The following OPCML variants were observed in gnomAD, a reference collection of about 807,000 sequenced individuals.
OPCML encodes the protein opioid-binding protein/cell adhesion molecule.
Under a neutral mutation model 37.8 loss-of-function variants are expected in OPCML, and 13 were observed. The observed-to-expected ratio is 0.34, with a 90% confidence interval of 0.22 to 0.55. OPCML has a LOEUF of 0.55. Among genes scored for constraint, OPCML ranks in the 20% least tolerant of loss-of-function variants. The pLI is 0.91. For synonymous variants in OPCML, 176 were observed against 168.8 expected, an observed-to-expected ratio of 1.04 and a Z score of -0.33; for missense variants, 341 against 435.6, an observed-to-expected ratio of 0.78 and a Z score of 1.93.
chr11:132,943,775 C>T lies in OPCML; in HGVS notation c.62-765G>A, dbSNP rs955290054. ...GGGGAGCGCCGCCCGGCGCAGGCTC[C>T]GGGCGCACGGGGAGCTGGGCGGACG... On this transcript the variant is annotated intron_variant, in intron 1 of 7. Coordinates refer to ENST00000524381, the MANE Select transcript of OPCML (RefSeq NM_001012393.5). This position sits in a 1 kb window ranked among gnomAD's most constrained non-coding sequence, Gnocchi z 4.3. 3 of 150,450 alleles carry T rather than the reference C, an allele frequency of 2.0e-5. No homozygotes were observed. The highest frequency in any genetic ancestry group is 1.3e-4 in the Admixed American group (2 of 15,094). The allele number at this position is 150,450 out of a possible 1,614,324, so 9.3% of individuals were successfully genotyped here.
chr11:133,106,419 A>G (rs1294133921), intron 1 of OPCML, among the ~76,000 whole-genome samples: 1 of 152,260 alleles, frequency 6.6e-6, no homozygotes, highest in South Asian at 2.1e-4. Context: ...GCAACTAGAA[A>G]TAGTCCCAAA....
chr11:133,191,757 G>A (rs181771116), intron 1 of OPCML, among the ~76,000 whole-genome samples: 70 of 152,268 alleles, frequency 4.6e-4, no homozygotes, highest in Middle Eastern at 3.4e-3. Flanking sequence ...GCCTCCCAAA[G>A]TGCTGGGATT....
chr11:132,637,792 T>A (rs564572002), intron 3 of OPCML, among the ~76,000 whole-genome samples: 28 of 152,294 alleles, frequency 1.8e-4, no homozygotes, highest in Admixed American at 9.2e-4. Context: ...TGGAACTTTC[T>A]TGTGTCTAGA....
chr11:132,518,528 G>A (rs76241385), intron 4 of OPCML, among the ~76,000 whole-genome samples: 1,620 of 152,198 alleles, frequency 0.011, 14 homozygotes, highest in Middle Eastern at 0.027. Context: ...AGCACACCTC[G>A]GGACATTTGG....
At chr11:133,092,701 G>T (rs2137054908) in intron 1 of OPCML, among the ~76,000 whole-genome samples, 1 of 152,236 alleles carries the variant, frequency 6.6e-6, no homozygotes, top group African/African-American at 2.4e-5. Context: ...ACTCCAGCCT[G>T]AACAACAGAG....
intron 2 of OPCML, among the ~76,000 whole-genome samples, chr11:132,901,440 C>G (rs1260222585): frequency 1.3e-5 from 2 of 152,192 alleles, no homozygotes; most frequent in African/African-American, 4.8e-5. Flanking sequence ...CAAAGTTCTT[C>G]TAAAGATCAG....
chr11:133,139,368 C>T (rs748104800), intron 1 of OPCML, among the ~76,000 whole-genome samples: 9 of 151,266 alleles, frequency 5.9e-5, no homozygotes, highest in Non-Finnish European at 1.2e-4. Context: ...TCACATTAAC[C>T]TTCCTGTAAG....
chr11:133,243,281 C>T lies in OPCML; in HGVS notation c.61+288983G>A, dbSNP rs553266686. 4.1e-4 allele frequency among the ~76,000 whole-genome samples: 62 copies of T among 152,290 alleles called. 1 individual carries two copies. Among genetic ancestry groups the T allele is most frequent in the African/African-American group, 1.4e-3 (58 of 41,564 alleles). On this transcript the variant is annotated intron_variant, in intron 1 of 7. Coordinates refer to ENST00000524381, the MANE Select transcript of OPCML (RefSeq NM_001012393.5). The stretch of plus-strand genomic sequence containing the variant: ...CAAATGAAGTGCCTGGAGTGGGGTT[C>T]CTGCAGTGGGACGGAGACAGCCTTT...
chr11:133,030,275 C>T (rs955521722), intron 1 of OPCML, among the ~76,000 whole-genome samples: 1 of 152,212 alleles, frequency 6.6e-6, no homozygotes, highest in African/African-American at 2.4e-5. Flanking sequence ...GAGGCTAACA[C>T]AATTATACGC....
chr11:132,608,010 T>C (rs564998969), intron 3 of OPCML, among the ~76,000 whole-genome samples: 1 of 152,306 alleles, frequency 6.6e-6, no homozygotes, highest in South Asian at 2.1e-4. Flanking sequence ...GAAAATAATT[T>C]GAATGTTTCT....
chr11:133,169,448 A>C (rs1178634029), intron 1 of OPCML, among the ~76,000 whole-genome samples: 1 of 152,248 alleles, frequency 6.6e-6, no homozygotes, highest in Non-Finnish European at 1.5e-5. Flanking sequence ...GCCAATTTTC[A>C]GTCAAAAATC....
intron 1 of OPCML, among the ~76,000 whole-genome samples, chr11:133,517,399 G>A (rs1948303021): frequency 6.6e-6 from 1 of 152,202 alleles, no homozygotes; most frequent in Admixed American, 6.5e-5. Context: ...GAATTTGGGA[G>A]CCCACTGATA....
chr11:132,712,612 G>T (rs563276787), intron 2 of OPCML, among the ~76,000 whole-genome samples: 3 of 152,206 alleles, frequency 2.0e-5, no homozygotes, highest in African/African-American at 7.2e-5. Context: ...TGCCAGCTCC[G>T]CGCCGCGTGT....
chr11:133,266,200 C>A (rs1453998649), intron 1 of OPCML, among the ~76,000 whole-genome samples: 1 of 152,172 alleles, frequency 6.6e-6, no homozygotes, highest in Non-Finnish European at 1.5e-5. Context: ...AGGGAACGAA[C>A]TGAGGTGGCT....
At chr11:132,776,614 G>C (rs1946819139) in intron 2 of OPCML, among the ~76,000 whole-genome samples, 1 of 151,844 alleles carries the variant, frequency 6.6e-6, no homozygotes, top group African/African-American at 2.4e-5. Flanking sequence ...TGACATGCTG[G>C]TCCCCCATTG....
At chr11:132,538,409 A>C (rs184065847) in intron 3 of OPCML, among the ~76,000 whole-genome samples, 8 of 152,328 alleles carry the variant, frequency 5.3e-5, no homozygotes, top group Admixed American at 4.6e-4. Context: ...AGGGAGAGAG[A>C]TAAATGAGAA....
At chr11:133,419,022 A>G (rs906788028) in intron 1 of OPCML, among the ~76,000 whole-genome samples, 4 of 152,176 alleles carry the variant, frequency 2.6e-5, no homozygotes, top group African/African-American at 9.7e-5. Context: ...TTCATTCCCA[A>G]TAACACTCCT....
chr11:132,478,504 T>C (rs12276840), intron 4 of OPCML, among the ~76,000 whole-genome samples: 61,798 of 151,936 alleles, frequency 0.41, 12,696 homozygotes, highest in East Asian at 0.51. Flanking sequence ...CAAAGAGTCA[T>C]TCACATCAAA....
intron 1 of OPCML, among the ~76,000 whole-genome samples, chr11:133,121,295 A>G (rs760083863): frequency 2.6e-5 from 4 of 152,218 alleles, no homozygotes; most frequent in Non-Finnish European, 5.9e-5. Flanking sequence ...GCACAGAGTC[A>G]CTTCCTCTGT....
Sources: allele counts gnomAD v4.1 joint callset (sites outside exome capture counted in the v4.1 genomes callset), GRCh38; gene constraint gnomAD v4.1.1; non-coding constraint Gnocchi (gnomAD v3.1); transcripts MANE v1.5; gene names NCBI Gene and HGNC (gene_info 2026-07-23, HGNC 2026-07-21).